Variants in RBMS3 observed in about 807,000 individuals in gnomAD.
RBMS3 encodes the protein RNA binding motif single stranded interacting protein 3.
A neutral mutation model predicts 66.8 loss-of-function variants in RBMS3; 27 were observed. That is an observed-to-expected ratio of 0.40 (90% confidence interval 0.30 to 0.56). RBMS3 has a LOEUF of 0.56. Among genes scored for constraint, RBMS3 ranks in the 20% least tolerant of loss-of-function variants. RBMS3 has a pLI of 0.40. For synonymous variants in RBMS3, 188 were observed against 183.0 expected, an observed-to-expected ratio of 1.03 and a Z score of -0.22; for missense variants, 513 against 549.5, an observed-to-expected ratio of 0.93 and a Z score of 0.66.
At chr3:30,003,006 T>C (rs1699678395) in intron 14 of RBMS3, among the ~76,000 whole-genome samples, 1 of 152,040 alleles carries the variant, frequency 6.6e-6, no homozygotes, top group Non-Finnish European at 1.5e-5. Flanking sequence ...TCAGAAGAAC[T>C]TGCATAACTT....
intron 3 of RBMS3, among the ~76,000 whole-genome samples, chr3:29,559,671 C>T (rs1223993084): frequency 2.0e-5 from 3 of 151,666 alleles, no homozygotes; most frequent in Non-Finnish European, 4.4e-5. Flanking sequence ...TATAAACCAT[C>T]TATTAATGTT....
chr3:29,857,587 C>T (rs1200182632), intron 6 of RBMS3, among the ~76,000 whole-genome samples: 1 of 150,460 alleles, frequency 6.6e-6, no homozygotes, highest in East Asian at 1.9e-4. Flanking sequence ...AAGGTTGTGC[C>T]CCTGCTCTCC....
Position 29,944,305 on chromosome 3 carries a change from G to C in RBMS3, c.1098+51G>C, listed in dbSNP as rs764575844. 2.7e-6 allele frequency: 4 copies of C among 1,481,192 alleles called. No individual in the cohort carries two copies. In the African/African-American group the frequency reaches 4.2e-5, roughly 16 times the overall value. The allele number at this position is 1,481,192 out of a possible 1,614,324, so 91.8% of individuals were successfully genotyped here. On this transcript the variant is annotated intron_variant, in intron 12 of 14. Coordinates refer to ENST00000383767, the MANE Select transcript of RBMS3 (RefSeq NM_001003793.3). ...ACTGGATTGGAGGGGAGAGATGGAG[G>C]TTGCCTGGTTTTTTCCCAAACTCTT...
intron 3 of RBMS3, among the ~76,000 whole-genome samples, chr3:29,538,426 C>T (rs1341529345): frequency 6.6e-6 from 1 of 152,142 alleles, no homozygotes; most frequent in Admixed American, 6.5e-5. Context: ...TGCGAAGTTT[C>T]CTGGCAACCC....
chr3:29,454,154 C>T (rs1048735926), intron 2 of RBMS3, among the ~76,000 whole-genome samples: 3 of 152,194 alleles, frequency 2.0e-5, no homozygotes, highest in African/African-American at 7.2e-5. Context: ...GAAAGTATAG[C>T]TTTCCAGGAG....
intron 4 of RBMS3, among the ~76,000 whole-genome samples, chr3:29,645,909 T>C (rs2049903052): frequency 6.6e-6 from 1 of 152,220 alleles, no homozygotes; most frequent in Admixed American, 6.5e-5. Context: ...TAAATTTATA[T>C]TGTCTGTTTA....
intron 5 of RBMS3, 21 bp from the exon 6 acceptor site, chr3:29,762,889 T>C (rs2055755597): frequency 3.3e-6 from 5 of 1,525,128 alleles, no homozygotes; most frequent in Non-Finnish European, 4.5e-6. Flanking sequence ...ATATGACCTC[T>C]GGTTTACCTT....
At chr3:29,323,687 C>T (rs981780659) in intron 1 of RBMS3, among the ~76,000 whole-genome samples, 40 of 103,192 alleles carry the variant, frequency 3.9e-4, no homozygotes, top group African/African-American at 1.5e-3. Flanking sequence ...GTTACACACA[C>T]ACATACACAC....
intron 4 of RBMS3, among the ~76,000 whole-genome samples, chr3:29,655,751 T>A (rs1472417312): frequency 6.6e-6 from 1 of 152,176 alleles, no homozygotes; most frequent in Non-Finnish European, 1.5e-5. Context: ...TAAAACAACC[T>A]CAGGCAGGTC....
chr3:29,693,194 A>G (rs2052111916), intron 4 of RBMS3, among the ~76,000 whole-genome samples: 2 of 152,206 alleles, frequency 1.3e-5, no homozygotes, highest in Non-Finnish European at 2.9e-5. Flanking sequence ...TTTTAGAATG[A>G]ATTAAAGACA....
intron 1 of RBMS3, among the ~76,000 whole-genome samples, chr3:29,282,450 G>T (rs1001916550): frequency 3.9e-5 from 6 of 152,082 alleles, no homozygotes; most frequent in African/African-American, 1.4e-4. Flanking sequence ...GATCATAATT[G>T]GACTTGAATT....
At chr3:29,637,572 C>T (rs1308329047) in intron 4 of RBMS3, among the ~76,000 whole-genome samples, 1 of 151,770 alleles carries the variant, frequency 6.6e-6, no homozygotes. Context: ...CTAGGTGATA[C>T]CCAAGTTTCT....
At chr3:29,610,238 TTAA>T (rs2048448466) in intron 4 of RBMS3, among the ~76,000 whole-genome samples, 1 of 152,038 alleles carries the variant, frequency 6.6e-6, no homozygotes, top group Non-Finnish European at 1.5e-5. Flanking sequence ...ATATGACAGA[TTAA>T]TGTACAAACA....
chr3:29,453,306 C>A (rs571937842), intron 2 of RBMS3, among the ~76,000 whole-genome samples: 1 of 152,310 alleles, frequency 6.6e-6, no homozygotes, highest in South Asian at 2.1e-4. Flanking sequence ...GAAGTAGATA[C>A]CACTGGATTG....
intron 4 of RBMS3, among the ~76,000 whole-genome samples, chr3:29,593,092 G>C (rs35131712): frequency 0.15 from 22,196 of 151,192 alleles, 1,885 homozygotes; most frequent in East Asian, 0.31. Flanking sequence ...TGCAACACAC[G>C]AACATGGCAC....
At chr3:29,818,782 T>C (rs2057991313) in intron 6 of RBMS3, among the ~76,000 whole-genome samples, 1 of 152,132 alleles carries the variant, frequency 6.6e-6, no homozygotes, top group African/African-American at 2.4e-5. Context: ...CCTGAAAATA[T>C]ATAATGTGAC....
intron 10 of RBMS3, among the ~76,000 whole-genome samples, chr3:29,925,510 A>G (rs1438174620): frequency 1.3e-5 from 2 of 152,182 alleles, no homozygotes; most frequent in African/African-American, 2.4e-5. Flanking sequence ...TATACTAAAT[A>G]TCAGTGGCTG....
intron 4 of RBMS3, among the ~76,000 whole-genome samples, chr3:29,605,193 A>C (rs569048368): frequency 4.6e-5 from 7 of 151,892 alleles, no homozygotes; most frequent in African/African-American, 1.7e-4. Context: ...TTATGGATTA[A>C]AGGAAGCCAC....
At chr3:29,306,844 C>T (rs2034047358) in intron 1 of RBMS3, among the ~76,000 whole-genome samples, 2 of 151,804 alleles carry the variant, frequency 1.3e-5, no homozygotes, top group African/African-American at 2.4e-5. Context: ...TCCATGTTCT[C>T]CTCATACACT....
Sources: allele counts gnomAD v4.1 joint callset (sites outside exome capture counted in the v4.1 genomes callset), GRCh38; gene constraint gnomAD v4.1.1; transcripts MANE v1.5; gene names NCBI Gene and HGNC (gene_info 2026-07-23, HGNC 2026-07-21).